Variants in GLB1 observed in about 807,000 individuals in gnomAD.
The protein encoded by GLB1 is galactosidase beta 1.
GLB1 carries 56 observed loss-of-function variants against 74.0 expected under a neutral mutation model. The ratio of observed to expected loss-of-function variants is 0.76; its 90% CI spans 0.61 to 0.94. GLB1 has a LOEUF of 0.94. Ranked by LOEUF, GLB1 falls within the 40% of genes least tolerant of loss-of-function variation. The pLI, the probability that GLB1 is intolerant of heterozygous loss-of-function variation, is 0.00. For missense variants in GLB1, 787 were observed against 845.5 expected, an observed-to-expected ratio of 0.93 and a Z score of 0.86; for synonymous variants, 323 against 323.6, an observed-to-expected ratio of 1.00 and a Z score of 0.02.
At chr3:33,050,304 CAAAGG>C (rs920272520) in intron 9 of GLB1, among the ~76,000 whole-genome samples, 39 of 152,136 alleles carry the variant, frequency 2.6e-4, no homozygotes, top group Non-Finnish European at 1.6e-4. Flanking sequence ...GGTATACACC[CAAAGG>C]AACTGAAACA....
At chr3:33,027,278 C>A (rs1456711909) in intron 10 of GLB1, among the ~76,000 whole-genome samples, 2 of 152,258 alleles carry the variant, frequency 1.3e-5, no homozygotes, top group Non-Finnish European at 2.9e-5. Flanking sequence ...GCTCACCCTG[C>A]AGCAGCAGCA....
rs148418333 is a variant in GLB1, at chr3:33,030,623, T to C, written c.1069-6298A>G. On this transcript the variant is annotated intron_variant, in intron 10 of 15. Transcript: ENST00000307363. ...ATCCTGGATCAAATTTCAAACTTCA[T>C]TAAGCTTTTGAAGTACAGAAAAAAT... 3.0e-4 allele frequency: 292 copies of C among 985,442 alleles called. No individual in the cohort carries two copies. The African/African-American group carries it at 4.6e-3, about 16-fold the overall frequency. The allele number at this position is 985,442 out of a possible 1,614,324, so 61.0% of individuals were successfully genotyped here.
At chr3:33,075,654 AATGGCAGGGAACCCAGGC>A (rs1700077145) in intron 1 of GLB1, among the ~76,000 whole-genome samples, 1 of 152,110 alleles carries the variant, frequency 6.6e-6, no homozygotes, top group Admixed American at 6.5e-5. Context: ...AGCAGAAATA[AATGGCAGGGAACCCAGGC>A]ATGGCAGGGT....
chr3:32,971,542 C>T, the GLB1 span, among the ~76,000 whole-genome samples: 9 of 152,260 alleles, frequency 5.9e-5, no homozygotes, highest in African/African-American at 1.2e-4. Flanking sequence ...GGAATTAATG[C>T]CACAAGATAA....
chr3:33,087,944 A>G (rs1484012333), intron 1 of GLB1, among the ~76,000 whole-genome samples: 1 of 152,218 alleles, frequency 6.6e-6, no homozygotes, highest in Non-Finnish European at 1.5e-5. Context: ...AAATGCAAGA[A>G]TGGTTTAACA....
the GLB1 span, among the ~76,000 whole-genome samples, chr3:32,980,462 G>A: frequency 3.9e-5 from 6 of 152,202 alleles, no homozygotes; most frequent in Non-Finnish European, 7.3e-5. Context: ...TGTATCTCAT[G>A]AGTTTTGATA....
At chr3:33,086,228 C>A (rs533323829) in intron 1 of GLB1, among the ~76,000 whole-genome samples, 43 of 152,034 alleles carry the variant, frequency 2.8e-4, no homozygotes, top group African/African-American at 9.4e-4. Context: ...TTCACCCACC[C>A]AGAAGAAAAG....
chr3:33,024,069 C>G (rs1697627074), intron 11 of GLB1, among the ~76,000 whole-genome samples, 182 bp downstream of exon 11: 1 of 152,184 alleles, frequency 6.6e-6, no homozygotes, highest in Non-Finnish European at 1.5e-5. Context: ...TGAGTATCTT[C>G]TCACCTCTCT....
intron 6 of GLB1, among the ~76,000 whole-genome samples, chr3:33,056,445 G>T (rs1699227348): frequency 6.7e-6 from 1 of 149,660 alleles, no homozygotes. Context: ...ACAGGGTCTT[G>T]CTCTGTTGCC....
At chr3:33,079,929 C>T (rs6769803) in intron 1 of GLB1, among the ~76,000 whole-genome samples, 21,570 of 151,974 alleles carry the variant, frequency 0.14, 1,653 homozygotes, top group Admixed American at 0.19. Context: ...CACAGGGGTG[C>T]GCCACCATGC....
intron 9 of GLB1, among the ~76,000 whole-genome samples, chr3:33,047,505 C>G (rs1003596824): frequency 6.6e-6 from 1 of 152,218 alleles, no homozygotes. Flanking sequence ...ATCCATAGAC[C>G]AGCAAGGCTT....
At chr3:33,014,518 T>C (rs369610539) in intron 14 of GLB1, among the ~76,000 whole-genome samples, 3 of 152,188 alleles carry the variant, frequency 2.0e-5, no homozygotes, top group Admixed American at 6.5e-5. Flanking sequence ...CCCCAAACTA[T>C]AGCTTTCTCC....
chr3:33,080,098 T>TTGTTGTTGTTTG (rs111917407), intron 1 of GLB1, among the ~76,000 whole-genome samples: 4 of 151,790 alleles, frequency 2.6e-5, no homozygotes, highest in African/African-American at 9.7e-5. Context: ...AACTGTTTTT[T>TTGTTGTTGTTTG]TTTGTTTGTT....
chr3:33,082,081 T>C (rs1700342307), intron 1 of GLB1, among the ~76,000 whole-genome samples: 2 of 152,146 alleles, frequency 1.3e-5, no homozygotes, highest in African/African-American at 2.4e-5. Context: ...GGTAACTGTG[T>C]CCTAAGAAAA....
chr3:33,061,803 T>C (rs1194090704), intron 5 of GLB1: 1 of 152,212 alleles, frequency 6.6e-6, no homozygotes, highest in African/African-American at 2.4e-5. Context: ...CTTTAGCTTT[T>C]TCAGGTAGAA....
At chr3:33,004,950 A>G (rs1696725797) in intron 15 of GLB1, among the ~76,000 whole-genome samples, 1 of 152,184 alleles carries the variant, frequency 6.6e-6, no homozygotes, top group African/African-American at 2.4e-5. Context: ...ACAATCCCCA[A>G]AAGTGTAAGA....
rs943395100 is a variant in GLB1, at chr3:33,052,011, C to CA, written c.793-8dup. 10 of 1,613,778 alleles carry CA rather than the reference C, an allele frequency of 6.2e-6. No individual in the cohort carries two copies. Among genetic ancestry groups the CA allele is most frequent in the Non-Finnish European group, 8.5e-6 (10 of 1,179,980 alleles). On this transcript the variant is annotated splice_polypyrimidine_tract_variant and splice_region_variant and intron_variant, in intron 7 of 15. Transcript: ENST00000307363. ...TATAGAATTCAGAATTGATCTAAAA[C>CA]AAAAAAAGAACGTAGCCCTTAGGAT...
chr3:33,019,790 C>A (rs1254789895), intron 12 of GLB1, among the ~76,000 whole-genome samples: 1 of 152,198 alleles, frequency 6.6e-6, no homozygotes, highest in Non-Finnish European at 1.5e-5. Flanking sequence ...AGCTGTGATG[C>A]TCCCCAGGCA....
chr3:33,009,839 T>C (rs1161833064), intron 15 of GLB1, among the ~76,000 whole-genome samples: 1 of 152,240 alleles, frequency 6.6e-6, no homozygotes, highest in Non-Finnish European at 1.5e-5. Flanking sequence ...TTTCTGAACA[T>C]TTCATATAAA....
Sources: gnomAD v4.1 joint callset for allele counts (sites outside exome capture counted in the v4.1 genomes callset) on GRCh38, gnomAD v4.1.1 for gene constraint, MANE v1.5 for transcripts, NCBI Gene and HGNC (gene_info 2026-07-23, HGNC 2026-07-21) for gene names.